Variants in RAPGEF6 observed in about 807,000 individuals in gnomAD.
RAPGEF6 encodes the protein Rap guanine nucleotide exchange factor 6.
RAPGEF6 carries 56 observed loss-of-function variants against 171.4 expected under a neutral mutation model. The observed-to-expected ratio is 0.33, with a 90% CI of 0.26 to 0.41. The LOEUF (loss-of-function observed/expected upper bound fraction) is 0.41, where lower values mean the gene tolerates loss of function less well. Among genes scored for constraint, RAPGEF6 ranks in the 10% least tolerant of loss-of-function variants. RAPGEF6 has a pLI of 1.00. For missense variants in RAPGEF6, 1,674 were observed against 1,921.4 expected, an observed-to-expected ratio of 0.87 and a Z score of 2.41; for synonymous variants, 692 against 650.1, an observed-to-expected ratio of 1.06 and a Z score of -0.98.
intron 1 of RAPGEF6, 112 bp from the exon 2 acceptor site, chr5:131,604,805 C>G: frequency 7.7e-7 from 1 of 1,296,792 alleles, no homozygotes. Flanking sequence ...AAGCAGTTAA[C>G]TATGGAAAAA....
chr5:131,518,954 T>C (rs539714238), intron 7 of RAPGEF6, among the ~76,000 whole-genome samples: 75 of 152,338 alleles, frequency 4.9e-4, no homozygotes, highest in African/African-American at 1.8e-3. Flanking sequence ...TCCATTTATA[T>C]GACCTTCTGG....
chr5:131,480,128 A>G (rs543546700), intron 15 of RAPGEF6, among the ~76,000 whole-genome samples: 1 of 152,308 alleles, frequency 6.6e-6, no homozygotes, highest in African/African-American at 2.4e-5. Flanking sequence ...ATTTTATGTT[A>G]TTTCTTATAA....
Position 131,592,448 on chromosome 5 carries a change from T to C in RAPGEF6, c.216A>G (p.Arg72=). Residue 72 remains arginine, a synonymous_variant, in exon 4 of 28, where the codon AGA becomes AGG. Coordinates refer to ENST00000509018, the MANE Select transcript of RAPGEF6 (RefSeq NM_016340.6). ...ATCCAGAAAGTAGGATATACCAACATCTGGCAATCGTTTCTGAACTGTTTA... is the reference window on the plus strand; with the variant it reads ...ATCCAGAAAGTAGGATATACCAACACCTGGCAATCGTTTCTGAACTGTTTA... The part of the protein sequence containing the change: ...QVLFCSETIA[R]CWYILLSGSV... 2 of 1,613,760 alleles carry C rather than the reference T, an allele frequency of 1.2e-6. No homozygotes were observed. Among genetic ancestry groups the C allele is most frequent in the Non-Finnish European group, 1.7e-6 (2 of 1,179,750 alleles).
At chr5:131,447,030 C>T (rs1034317230) in intron 21 of RAPGEF6, 12 of 232,948 alleles carry the variant, frequency 5.2e-5, no homozygotes, top group Admixed American at 2.6e-4. Context: ...AGGCCACCCA[C>T]GCTTTGAAGA....
At chr5:131,448,323 G>C (rs1213732812) in intron 21 of RAPGEF6, among the ~76,000 whole-genome samples, 2 of 152,118 alleles carry the variant, frequency 1.3e-5, no homozygotes, top group Non-Finnish European at 2.9e-5. Flanking sequence ...TCCTTTTTAT[G>C]TGAATAAAAA....
At chr5:131,588,172 A>G (rs1050513460) in intron 4 of RAPGEF6, among the ~76,000 whole-genome samples, 3 of 152,074 alleles carry the variant, frequency 2.0e-5, no homozygotes, top group Non-Finnish European at 4.4e-5. Context: ...CAACAACTCT[A>G]AGCTCTGCTG....
rs755130844 is a variant in RAPGEF6 at position 131,429,084 on chromosome 5, C to T, written c.4598G>A (p.Ser1533Asn). 1.2e-6 allele frequency: 2 copies of T among 1,613,992 alleles called. No homozygotes were observed. Among genetic ancestry groups the T allele is most frequent in the Non-Finnish European group, 1.7e-6 (2 of 1,180,028 alleles). Residue 1533 changes from serine (S) to asparagine (N), a missense_variant, in exon 27 of 28, where the codon AGT becomes AAT. Physicochemically the swap from Ser to Asn is conservative, Grantham distance 46. Transcript: ENST00000509018. Reference protein sequence around the residue: ...PHTHLKPPDYSVAVQRSKMMH... With the variant: ...PHTHLKPPDYNVAVQRSKMMH... ...CATCTTTGACCTCTGCACTGCCACACTATAATCTGGAGGTTTTAGGTGTGT... is the reference window on the plus strand; with the variant it reads ...CATCTTTGACCTCTGCACTGCCACATTATAATCTGGAGGTTTTAGGTGTGT...
Position 131,486,595 on chromosome 5 carries a change from T to C in RAPGEF6, c.1840+2951A>G, listed in dbSNP as rs373463158. On this transcript the variant is annotated intron_variant, in intron 15 of 27. Coordinates refer to ENST00000509018, the MANE Select transcript of RAPGEF6 (RefSeq NM_016340.6). ...AATTTTACTTTGTCTTTTTGTTCCATAGTATGGGAGATTTTTCTCAACTTT... is the reference window on the plus strand; with the variant it reads ...AATTTTACTTTGTCTTTTTGTTCCACAGTATGGGAGATTTTTCTCAACTTT... Among the ~76,000 whole-genome samples the C allele has an allele frequency of 2.8e-4, 43 of 152,302 alleles. 1 individual carries two copies. The highest frequency in any genetic ancestry group is 2.7e-3 in the Admixed American group (42 of 15,310).
At chr5:131,504,230 G>A (rs1015851413) in intron 11 of RAPGEF6, among the ~76,000 whole-genome samples, 10 of 152,112 alleles carry the variant, frequency 6.6e-5, no homozygotes, top group East Asian at 1.9e-4. Context: ...TTGGGAGGCC[G>A]AGGTGGGAGG....
chr5:131,431,239 C>G lies in RAPGEF6; in HGVS notation c.4085G>C (p.Arg1362Pro), dbSNP rs779290987. Residue 1362 changes from arginine (R) to proline (P), a missense_variant, in exon 26 of 28, where the codon CGT becomes CCT. Around this residue, in one of 3 missense-constraint regions of RAPGEF6, gnomAD observed 552 missense variants for 574.2 expected, o/e 0.96. Coordinates refer to ENST00000509018, the MANE Select transcript of RAPGEF6 (RefSeq NM_016340.6). ...HIIIEAADSGRGSWTSCSSSS... is the reference protein window; with the variant it reads ...HIIIEAADSGPGSWTSCSSSS... ...GCTTGAACACGAAGTCCAACTTCCA[C>G]GACCACTGTCAGCTGCTTCTATAAT... The G allele has an allele frequency of 6.2e-7, 1 of 1,614,200 alleles. No individual in the cohort carries two copies. The highest frequency in any genetic ancestry group is 1.7e-5 in the Admixed American group (1 of 60,022).
In RAPGEF6 at chr5:131,464,249, C is replaced by G. The variant is rs200228047; in HGVS notation, c.2272G>C (p.Val758Leu). The G allele has an allele frequency of 5.3e-5, 85 of 1,612,460 alleles. No homozygotes were observed. The South Asian group carries it at 7.1e-4, about 14-fold the overall frequency. ...ATAATGTAGCAACTTTGCTGATCCA[C>G]TTTGAAAACTCTTATAACTTGATCA... ...IPDQVIRVFK[V>L]DQQSCYIIIS... Residue 758 changes from valine to leucine, a missense_variant, in exon 18 of 28, where the codon GTG becomes CTG. Coordinates refer to ENST00000509018, the MANE Select transcript of RAPGEF6 (RefSeq NM_016340.6).
chr5:131,572,178 C>G (rs1435403149), intron 4 of RAPGEF6, among the ~76,000 whole-genome samples: 1 of 152,102 alleles, frequency 6.6e-6, no homozygotes, highest in African/African-American at 2.4e-5. Context: ...GTGCCGAACA[C>G]CCAGGACAGG....
intron 4 of RAPGEF6, among the ~76,000 whole-genome samples, chr5:131,584,963 G>A (rs1014753587): frequency 9.9e-5 from 15 of 152,132 alleles, no homozygotes; most frequent in African/African-American, 3.6e-4. Flanking sequence ...GTAATAACAG[G>A]AGTTTAACAA....
rs575437437 is a variant in RAPGEF6, at chr5:131,588,579, C to T, written c.281+3804G>A. ...CCAACATGGTGAAACCTCATCTCTA[C>T]TAAGAATACAAAAATTAGCCAGGTG... On this transcript the variant is annotated intron_variant, in intron 4 of 27. Coordinates refer to ENST00000509018, the MANE Select transcript of RAPGEF6 (RefSeq NM_016340.6). Among the ~76,000 whole-genome samples, 57 of 149,124 alleles carry T rather than the reference C, an allele frequency of 3.8e-4. No individual in the cohort carries two copies. In the South Asian group the frequency reaches 0.011, roughly 29 times the overall value.
At chr5:131,557,117 G>A (rs1310996095) in intron 5 of RAPGEF6, among the ~76,000 whole-genome samples, 1 of 152,088 alleles carries the variant, frequency 6.6e-6, no homozygotes, top group Non-Finnish European at 1.5e-5. Flanking sequence ...CTTCCCTTAT[G>A]TGACATATGT....
intron 1 of RAPGEF6, among the ~76,000 whole-genome samples, chr5:131,623,903 A>G (rs1765748713): frequency 6.6e-6 from 1 of 152,352 alleles, no homozygotes; most frequent in East Asian, 1.9e-4. Flanking sequence ...GGAGCTTACA[A>G]TCAGAGAGAA....
In RAPGEF6 at chr5:131,427,214, C is replaced by A; in HGVS notation, c.*52G>T. The A allele has an allele frequency of 6.5e-7, 1 of 1,542,478 alleles. No homozygotes were observed. The highest frequency in any genetic ancestry group is 9.0e-7 in the Non-Finnish European group (1 of 1,115,012). ...TGGCCTGCAGAATCATGAGGTGGTT[C>A]TTGCCCATTCCTCCACGACTTTCAG... On this transcript the variant is annotated 3_prime_UTR_variant, in exon 28 of 28. Transcript: ENST00000509018.
intron 15 of RAPGEF6, among the ~76,000 whole-genome samples, chr5:131,485,038 T>C (rs1173063143): frequency 6.6e-6 from 1 of 152,126 alleles, no homozygotes. Flanking sequence ...GTGATCTTCC[T>C]GCTTCAGCCT....
At chr5:131,496,277 A>G (rs555572924) in intron 12 of RAPGEF6, among the ~76,000 whole-genome samples, 1 of 152,364 alleles carries the variant, frequency 6.6e-6, no homozygotes, top group African/African-American at 2.4e-5. Flanking sequence ...TTGCTTCAGA[A>G]AAGTTAAAAA....
Sources: gnomAD v4.1 joint callset for allele counts (sites outside exome capture counted in the v4.1 genomes callset) on GRCh38, gnomAD v4.1.1 for gene constraint, gnomAD v4.1.1 regional missense constraint, MANE v1.5 for transcripts, NCBI Gene and HGNC (gene_info 2026-07-23, HGNC 2026-07-21) for gene names.